DOCK1: variants seen among roughly 807,000 people sequenced by gnomAD.
DOCK1 encodes dedicator of cytokinesis protein 1.
In DOCK1, 138 loss-of-function variants were observed where a neutral mutation model predicts 262.7. The ratio of observed to expected loss-of-function variants is 0.53; its 90% CI spans 0.46 to 0.61. The LOEUF (loss-of-function observed/expected upper bound fraction) is 0.61. Ranked by LOEUF, DOCK1 falls within the 20% of genes least tolerant of loss-of-function variation. The probability of loss-of-function intolerance (pLI) is 0.00; values close to 1 mark genes in which losing one functional copy is unlikely to be tolerated. For missense variants in DOCK1, 1,908 were observed against 2,370.7 expected, an observed-to-expected ratio of 0.80 and a Z score of 4.05; for synonymous variants, 866 against 867.4, an observed-to-expected ratio of 1.00 and a Z score of 0.03.
intron 1 of DOCK1, among the ~76,000 whole-genome samples, chr10:126,938,823 G>A (rs1324814447): frequency 1.4e-4 from 7 of 49,058 alleles, no homozygotes; most frequent in East Asian, 5.7e-4. Flanking sequence ...GAACACAGGA[G>A]GGGACGAACA....
chr10:127,225,375 A>G (rs1466683521), intron 27 of DOCK1, among the ~76,000 whole-genome samples: 1 of 152,270 alleles, frequency 6.6e-6, no homozygotes. Context: ...GGAGGAGAGC[A>G]GGTAACCCAT....
At chr10:126,970,941 G>A (rs1344840418) in intron 2 of DOCK1, among the ~76,000 whole-genome samples, 156 bp downstream of exon 2, 1 of 152,112 alleles carries the variant, frequency 6.6e-6, no homozygotes, top group Non-Finnish European at 1.5e-5. Context: ...ACTGTTTCAG[G>A]TAAGGGTAGT....
At chr10:127,158,950 C>A (rs2053338595) in intron 27 of DOCK1, among the ~76,000 whole-genome samples, 1 of 152,144 alleles carries the variant, frequency 6.6e-6, no homozygotes, top group Admixed American at 6.5e-5. Flanking sequence ...CCTTCTAGAA[C>A]TGGGTTTTAT....
rs1226938407 is a variant in DOCK1, at chr10:127,387,397, G to T, written c.3927+2488G>T. ...TTTCTAAGCCAGGCTTTCTCAATCT[G>T]GGCATGATTGGCATTCTGGGCTACC... is the stretch of plus-strand genomic sequence containing the variant. On this transcript the variant is annotated intron_variant, in intron 38 of 51. Coordinates refer to ENST00000623213, the MANE Select transcript of DOCK1 (RefSeq NM_001290223.2). Among the ~76,000 whole-genome samples, 4 of 152,126 alleles carry T rather than the reference G, an allele frequency of 2.6e-5. No individual in the cohort carries two copies. In the East Asian group the frequency reaches 7.7e-4, roughly 29 times the overall value.
At chr10:127,331,341 G>A (rs182644898) in intron 29 of DOCK1, among the ~76,000 whole-genome samples, 67 of 152,226 alleles carry the variant, frequency 4.4e-4, no homozygotes, top group Non-Finnish European at 7.6e-4. Context: ...GGAGTGCAGC[G>A]GCGCGATCCA....
At chr10:127,336,759 T>C (rs1322693221) in intron 29 of DOCK1, among the ~76,000 whole-genome samples, 5 of 152,158 alleles carry the variant, frequency 3.3e-5, no homozygotes, top group Non-Finnish European at 5.9e-5. Context: ...CAGGATGGTC[T>C]CAATCTCCTG....
intron 29 of DOCK1, among the ~76,000 whole-genome samples, chr10:127,314,365 T>C (rs2135519744): frequency 6.6e-6 from 1 of 152,328 alleles, no homozygotes; most frequent in Admixed American, 6.5e-5. Context: ...AGACCAGTAG[T>C]GGCTCCAGCA....
rs1214074118 is a variant in DOCK1, at chr10:126,912,361, C to T, written c.46+6798C>T. Among the ~76,000 whole-genome samples, 104 of 149,718 alleles carry T rather than the reference C, an allele frequency of 6.9e-4. 2 individuals carry two copies. The highest frequency in any genetic ancestry group is 6.7e-4 in the Admixed American group (10 of 14,928). On this transcript the variant is annotated intron_variant, in intron 1 of 51. Transcript: ENST00000623213. ...AGGAGAATCACTGGAACCTCGGAGGCGGAGGTTGCAGTGAGCCAAGATTGC... is the reference window on the plus strand; with the variant it reads ...AGGAGAATCACTGGAACCTCGGAGGTGGAGGTTGCAGTGAGCCAAGATTGC...
chr10:127,419,728 C>G lies in DOCK1; in HGVS notation c.4755C>G (p.Leu1585=). The change falls in exon 46 of 52, where the codon CTC becomes CTG. Residue 1585 remains leucine (L), a synonymous_variant. Coordinates refer to ENST00000623213, the MANE Select transcript of DOCK1 (RefSeq NM_001290223.2). ...AGGCCCATGAAAAGATCGAGAAGCT[C>G]AAGGACCTGATTGCTTGGCAGGTAA... ...HPEAHEKIEK[L]KDLIAWQIPF... is the part of the protein sequence containing the mutation. 1.2e-6 allele frequency: 2 copies of G among 1,601,808 alleles called. No individual in the cohort carries two copies. The highest frequency in any genetic ancestry group is 1.7e-6 in the Non-Finnish European group (2 of 1,173,884).
intron 32 of DOCK1, among the ~76,000 whole-genome samples, chr10:127,359,368 C>T (rs2064300782): frequency 6.6e-6 from 1 of 152,226 alleles, no homozygotes. Flanking sequence ...TCTACAACCA[C>T]TTGTGACTGC....
intron 1 of DOCK1, among the ~76,000 whole-genome samples, chr10:126,915,694 G>A (rs1333433937): frequency 6.6e-6 from 1 of 152,102 alleles, no homozygotes; most frequent in African/African-American, 2.4e-5. Context: ...CTCGTGATCT[G>A]CCCACCTTGG....
intron 12 of DOCK1, among the ~76,000 whole-genome samples, chr10:127,016,741 A>C (rs2041925595): frequency 6.9e-6 from 1 of 144,978 alleles, no homozygotes; most frequent in East Asian, 2.0e-4. Flanking sequence ...CACCACACAC[A>C]CACACACTAA....
At position 127,100,523 on chromosome 10, in the gene DOCK1, G is replaced by A. The variant is rs1439901361; in HGVS notation, c.2446-5708G>A. Among the ~76,000 whole-genome samples the A allele has an allele frequency of 1.3e-5, 2 of 152,104 alleles. No homozygotes were observed. Among genetic ancestry groups the A allele is most frequent in the Non-Finnish European group, 2.9e-5 (2 of 68,018 alleles). On this transcript the variant is annotated intron_variant, in intron 23 of 51. Coordinates refer to ENST00000623213, the MANE Select transcript of DOCK1 (RefSeq NM_001290223.2). The surrounding 1 kb of genome is among the most constrained non-coding windows in gnomAD (Gnocchi z 5.5). ...GTGGACCCCGGTGGGTGTGGGGTGT[G>A]GGTGTTGGGCTCAGGAGGAAGGGGA... is the stretch of plus-strand genomic sequence containing the variant.
intron 27 of DOCK1, among the ~76,000 whole-genome samples, chr10:127,227,072 G>A (rs564372947): frequency 2.6e-5 from 4 of 152,288 alleles, no homozygotes; most frequent in South Asian, 4.1e-4. Flanking sequence ...TTTTATTAAC[G>A]AATGAGTACA....
Position 127,027,115 on chromosome 10 carries a change from CAAAG to C in DOCK1, c.1624+693_1624+696del, listed in dbSNP as rs536266146. Among the ~76,000 whole-genome samples, 545 of 152,308 alleles carry C rather than the reference CAAAG, an allele frequency of 3.6e-3. 1 individual carries two copies. The highest frequency in any genetic ancestry group is 5.5e-3 in the Non-Finnish European group (371 of 68,026). On this transcript the variant is annotated intron_variant, in intron 16 of 51. Transcript: ENST00000623213. The stretch of plus-strand genomic sequence containing the variant: ...TATTCATATTTGGGACAATAAATGA[CAAAG>C]AGAGTTGGCTACAGGCTTGTGTGCC...
intron 33 of DOCK1, among the ~76,000 whole-genome samples, chr10:127,373,412 A>C (rs2065313735): frequency 1.3e-5 from 2 of 152,128 alleles, no homozygotes; most frequent in South Asian, 2.1e-4. Context: ...CATTTCAGGA[A>C]CCAACAAGCT....
intron 23 of DOCK1, among the ~76,000 whole-genome samples, chr10:127,093,202 C>CTTTCTTTCTTTCTTGCTTTCTTTG (rs1554883881): frequency 1.2e-4 from 15 of 129,560 alleles, no homozygotes; most frequent in African/African-American, 4.9e-4. Context: ...TCTCCTTTTT[C>CTTTCTTTCTTTCTTGCTTTCTTTG]TTTCTTTCTT....
chr10:127,190,291 G>C (rs557752218), intron 27 of DOCK1, among the ~76,000 whole-genome samples: 3 of 152,184 alleles, frequency 2.0e-5, no homozygotes, highest in East Asian at 3.9e-4. Context: ...CGTCAGTACT[G>C]TTCAGCCCTG....
chr10:127,428,666 G>A lies in DOCK1; in HGVS notation c.4914+2655G>A, dbSNP rs144813979. 2.2e-3 allele frequency among the ~76,000 whole-genome samples: 328 copies of A among 147,760 alleles called. 2 individuals carry two copies. The highest frequency in any genetic ancestry group is 6.8e-3 in the African/African-American group (273 of 40,156). On this transcript the variant is annotated intron_variant, in intron 47 of 51. Coordinates refer to ENST00000623213, the MANE Select transcript of DOCK1 (RefSeq NM_001290223.2). ...GGAGTGCCGTGTGGATTGGGGTGCCGTGTGGATTGGGGTACCGTGTGGATT... is the reference window on the plus strand; with the variant it reads ...GGAGTGCCGTGTGGATTGGGGTGCCATGTGGATTGGGGTACCGTGTGGATT...
Sources: gnomAD v4.1 joint callset for allele counts (sites outside exome capture counted in the v4.1 genomes callset) on GRCh38, gnomAD v4.1.1 for gene constraint, Gnocchi (gnomAD v3.1) non-coding constraint, MANE v1.5 for transcripts, NCBI Gene and HGNC (gene_info 2026-07-23, HGNC 2026-07-21) for gene names.